Variants in SINHCAF observed in about 807,000 individuals in gnomAD.
SINHCAF encodes the protein SIN3-HDAC complex associated factor, also known as SIN3-HDAC complex-associated factor.
In SINHCAF, 3 loss-of-function variants were observed where a neutral mutation model predicts 25.8. That is an observed-to-expected ratio of 0.12 (90% CI 0.05 to 0.30). The LOEUF is 0.30. Ranked by LOEUF, SINHCAF falls within the 10% of genes least tolerant of loss-of-function variation. The pLI is 1.00. For synonymous variants in SINHCAF, 70 were observed against 85.5 expected (o/e 0.82, Z 1.00); for missense variants, 121 against 262.3 (o/e 0.46, Z 3.72).
chr12:31,294,474 T>C (rs995438535), intron 3 of SINHCAF, among the ~76,000 whole-genome samples: 14 of 152,128 alleles, frequency 9.2e-5, no homozygotes, highest in African/African-American at 3.4e-4. Flanking sequence ...CTTTATGCTT[T>C]TTTCACTTTA....
chr12:31,318,389 A>T (rs1427109158), intron 1 of SINHCAF, among the ~76,000 whole-genome samples: 1 of 152,152 alleles, frequency 6.6e-6, no homozygotes, highest in Admixed American at 6.6e-5. Context: ...GGGGTAGCAG[A>T]CCCCACTTGT....
intron 4 of SINHCAF, among the ~76,000 whole-genome samples, chr12:31,291,710 G>C (rs1938329836): frequency 6.6e-6 from 1 of 152,098 alleles, no homozygotes. Context: ...GTTGCAGTGA[G>C]CTGAGATCCG....
chr12:31,287,345 T>G (rs1477627968), intron 5 of SINHCAF, among the ~76,000 whole-genome samples: 4 of 152,222 alleles, frequency 2.6e-5, no homozygotes, highest in Non-Finnish European at 4.4e-5. Flanking sequence ...CACGTCTTTT[T>G]GAAGGACCAA....
At chr12:31,297,965 A>G (rs746310773) in intron 2 of SINHCAF, 112 bp downstream of exon 2, 5 of 1,088,712 alleles carry the variant, frequency 4.6e-6, no homozygotes, top group South Asian at 1.5e-5. Context: ...CTAAATTAGA[A>G]TAAGTGATTT....
intron 4 of SINHCAF, among the ~76,000 whole-genome samples, chr12:31,288,785 T>C (rs1592957578): frequency 6.6e-6 from 1 of 151,992 alleles, no homozygotes; most frequent in East Asian, 1.9e-4. Flanking sequence ...AGTCCAAGAA[T>C]CAGGAAGATC....
Position 31,295,271 on chromosome 12 carries a change from T to A in SINHCAF, c.191A>T (p.Lys64Met), listed in dbSNP as rs1255150607. 6.2e-7 allele frequency: 1 copy of A among 1,610,136 alleles called. No homozygotes were observed. The highest frequency in any genetic ancestry group is 1.7e-5 in the Admixed American group (1 of 58,676). ...TTTTTTTGATCCTGCTGGCAACTTC[T>A]TCCATCTTTTCACAAGCAGGACACA... is the stretch of plus-strand genomic sequence containing the variant. ...NACVLLVKRW[K>M]KLPAGSKKNW... Residue 64 changes from lysine (K) to methionine (M), a missense_variant, in exon 3 of 6, where the codon AAG (lysine) becomes ATG (methionine). Lys to Met is a moderately conservative substitution (Grantham distance 95). Coordinates refer to ENST00000337682, the MANE Select transcript of SINHCAF (RefSeq NM_001135812.2).
intron 5 of SINHCAF, among the ~76,000 whole-genome samples, chr12:31,284,234 C>A (rs1489601112): frequency 6.6e-6 from 1 of 152,126 alleles, no homozygotes; most frequent in Non-Finnish European, 1.5e-5. Flanking sequence ...AGTTTTTTCA[C>A]CAATCTAATG....
intron 5 of SINHCAF, among the ~76,000 whole-genome samples, chr12:31,283,500 G>C (rs1455765253): frequency 2.6e-5 from 4 of 152,030 alleles, no homozygotes; most frequent in African/African-American, 9.7e-5. Flanking sequence ...CTACTTGGGA[G>C]ACTGAGGCAG....
At chr12:31,283,669 A>G (rs1301060879) in intron 5 of SINHCAF, among the ~76,000 whole-genome samples, 2 of 152,100 alleles carry the variant, frequency 1.3e-5, no homozygotes, top group African/African-American at 4.8e-5. Context: ...GAGAATGCCT[A>G]CAGACCACAT....
intron 3 of SINHCAF, 69 bp from the exon 4 acceptor site, chr12:31,294,000 C>T: frequency 1.5e-6 from 2 of 1,325,982 alleles, no homozygotes; most frequent in Middle Eastern, 1.9e-4. Flanking sequence ...TGGTTCAGAT[C>T]CGTGCCTATT....
At chr12:31,282,990 T>G (rs1937869636) in intron 5 of SINHCAF, 119 bp from the exon 6 acceptor site, 2 of 718,972 alleles carry the variant, frequency 2.8e-6, no homozygotes. Flanking sequence ...TTCTACAATC[T>G]TGCACATTCC....
At chr12:31,323,938 C>T (rs1351652417) in intron 1 of SINHCAF, 2 of 455,760 alleles carry the variant, frequency 4.4e-6, no homozygotes, top group Admixed American at 2.4e-5. Flanking sequence ...GCCCTCGGGT[C>T]CCCACCTTCC....
At chr12:31,293,628 G>A (rs1359692029) in intron 4 of SINHCAF, among the ~76,000 whole-genome samples, 177 bp downstream of exon 4, 1 of 152,052 alleles carries the variant, frequency 6.6e-6, no homozygotes, top group Non-Finnish European at 1.5e-5. Context: ...ATCAAAATCA[G>A]AAAAAGTGCC....
At position 31,293,836 on chromosome 12, in the gene SINHCAF, G is replaced by A. The variant is rs1331211597; in HGVS notation, c.324C>T (p.Ile108=). 1.2e-6 allele frequency: 2 copies of A among 1,610,430 alleles called. No homozygotes were observed. Among genetic ancestry groups the A allele is most frequent in the Admixed American group, 3.4e-5 (2 of 59,296 alleles). The change falls in exon 4 of 6, where the codon ATC becomes ATT. Residue 108 remains isoleucine, a synonymous_variant. Transcript: ENST00000337682. ...LSGNRIKSNQ[I]SKLQKEFKRH... ...GTTTAAATTCCTTCTGCAGTTTACT[G>A]ATCTGGTTGCTTTTTATCCTGTTCC... is the stretch of plus-strand genomic sequence containing the variant.
At chr12:31,322,451 A>G (rs1387816533) in intron 1 of SINHCAF, among the ~76,000 whole-genome samples, 2 of 152,316 alleles carry the variant, frequency 1.3e-5, no homozygotes, top group African/African-American at 4.8e-5. Context: ...AAAGTTTTTC[A>G]TTTTCTTGAC....
chr12:31,291,070 G>A (rs541113765), intron 4 of SINHCAF, among the ~76,000 whole-genome samples: 51 of 152,258 alleles, frequency 3.3e-4, no homozygotes, highest in African/African-American at 1.2e-3. Context: ...AAGGCACCAA[G>A]GAGTGATTAG....
chr12:31,315,731 G>A (rs1231457701), intron 1 of SINHCAF, among the ~76,000 whole-genome samples: 1 of 152,190 alleles, frequency 6.6e-6, no homozygotes, highest in Non-Finnish European at 1.5e-5. Flanking sequence ...GCTTTCACAG[G>A]TGTAATAAAT....
intron 1 of SINHCAF, among the ~76,000 whole-genome samples, chr12:31,317,349 A>C (rs1480205058): frequency 1.3e-5 from 2 of 152,192 alleles, no homozygotes; most frequent in Non-Finnish European, 2.9e-5. Flanking sequence ...AAAAACAAAA[A>C]AAAAACACAA....
chr12:31,305,991 G>C (rs752346197), intron 1 of SINHCAF, among the ~76,000 whole-genome samples: 3 of 152,136 alleles, frequency 2.0e-5, no homozygotes, highest in African/African-American at 7.2e-5. Flanking sequence ...GAGCCACTGC[G>C]CCCAGCCCCA....
Sources: allele counts gnomAD v4.1 joint callset (sites outside exome capture counted in the v4.1 genomes callset), GRCh38; gene constraint gnomAD v4.1.1; transcripts MANE v1.5; gene names NCBI Gene and HGNC (gene_info 2026-07-23, HGNC 2026-07-21).